Variants in HEATR4 observed in about 807,000 individuals in gnomAD.
The protein encoded by HEATR4 is HEAT repeat containing 4, also known as HEAT repeat-containing protein 4.
HEATR4 carries 95 observed loss-of-function variants against 108.8 expected under a neutral mutation model. The observed-to-expected ratio is 0.87, with a 90% CI of 0.74 to 1.04. The LOEUF (loss-of-function observed/expected upper bound fraction) is 1.04. Among genes scored for constraint, HEATR4 ranks in the 50% least tolerant of loss-of-function variants. The probability of loss-of-function intolerance (pLI) is 0.00; values close to 1 mark genes in which losing one functional copy is unlikely to be tolerated. For missense variants in HEATR4, 1,152 were observed against 1,253.8 expected, an observed-to-expected ratio of 0.92 and a Z score of 1.23; for synonymous variants, 443 against 459.4, an observed-to-expected ratio of 0.96 and a Z score of 0.46.
rs1486819486 is a variant in HEATR4, at chr14:73,540,528, A to G, written c.-151-10284T>C. On this transcript the variant is annotated intron_variant, in intron 1 of 17. Transcript: ENST00000553558. ...AGGAGAACACATTCAGTATCATTCC[A>G]TTTAGATACAGTTCAAAAAATAGGC... Among the ~76,000 whole-genome samples, 4 of 109,894 alleles carry G rather than the reference A, an allele frequency of 3.6e-5. 1 individual carries two copies. Among genetic ancestry groups the G allele is most frequent in the Non-Finnish European group, 1.9e-5 (1 of 52,492 alleles). The allele number at this position is 109,894 out of a possible 152,430, so 72.1% of individuals were successfully genotyped here.
intron 1 of HEATR4, among the ~76,000 whole-genome samples, chr14:73,535,489 T>C (rs1428221198): frequency 0.029 from 1,352 of 46,530 alleles, 324 homozygotes; most frequent in African/African-American, 0.11. Flanking sequence ...TTTTTTTTTT[T>C]TTTTTTTTTT....
At chr14:73,595,082 T>G in the HEATR4 span, 1 of 1,614,082 alleles carries the variant, frequency 6.2e-7, no homozygotes, top group Non-Finnish European at 8.5e-7. Flanking sequence ...TTTGGGCATT[T>G]CTCTAGGAGC....
rs1209953502 is a variant in HEATR4, at chr14:73,492,158, G to A, written c.2844+908C>T. ...ATCCAGCCCCAACTTCAGTCAGGACGACCTCGGTGAGCCGGTGCTGCAGAC... is the reference window on the plus strand; with the variant it reads ...ATCCAGCCCCAACTTCAGTCAGGACAACCTCGGTGAGCCGGTGCTGCAGAC... On this transcript the variant is annotated intron_variant, in intron 17 of 17. Transcript: ENST00000553558. The surrounding 1 kb of genome is among the most constrained non-coding windows in gnomAD (Gnocchi z 4.9). 1.2e-6 allele frequency: 2 copies of A among 1,613,976 alleles called. No individual in the cohort carries two copies. The highest frequency in any genetic ancestry group is 1.7e-6 in the Non-Finnish European group (2 of 1,179,894).
At chr14:73,589,095 A>G in the HEATR4 span, among the ~76,000 whole-genome samples, 2 of 151,956 alleles carry the variant, frequency 1.3e-5, no homozygotes, top group African/African-American at 4.8e-5. Flanking sequence ...TACCATTATC[A>G]CCCCAAATCT....
chr14:73,594,373 A>C, the HEATR4 span, among the ~76,000 whole-genome samples: 1 of 152,206 alleles, frequency 6.6e-6, no homozygotes, highest in Admixed American at 6.5e-5. Context: ...TATTGGATGC[A>C]TTGCCACATG....
chr14:73,589,218 GTTCCAACTA>G, the HEATR4 span, among the ~76,000 whole-genome samples: 2 of 152,112 alleles, frequency 1.3e-5, no homozygotes, highest in Non-Finnish European at 2.9e-5. Context: ...CCTAAAAATT[GTTCCAACTA>G]TTCATCCCTC....
Position 73,542,994 on chromosome 14 carries a change from C to T in HEATR4, c.-151-12750G>A. ...AACTTCCAGGGTGGGCACAACTCAC[C>T]ATATTCCACTGTTTGTGGAGCCATT... On this transcript the variant is annotated intron_variant, in intron 1 of 17. Coordinates refer to ENST00000553558, the MANE Select transcript of HEATR4 (RefSeq NM_001220484.1). 6.5e-6 allele frequency: 8 copies of T among 1,238,970 alleles called. 2 individuals are homozygous for T. Among genetic ancestry groups the T allele is most frequent in the Non-Finnish European group, 8.6e-6 (8 of 932,578 alleles). 76.7% of individuals were successfully genotyped at this position (1,238,970 alleles called of 1,614,324 possible). A position where few individuals can be genotyped will look rare whatever the true frequency, so the allele number is the denominator to read the frequency against.
At chr14:73,524,309 AAATATATATATAT>A (rs1165583484) in intron 2 of HEATR4, among the ~76,000 whole-genome samples, 1 of 99,760 alleles carries the variant, frequency 1.0e-5, no homozygotes, top group African/African-American at 4.1e-5. Flanking sequence ...AAAAAAAAAA[AAATATATATATAT>A]ATATATATAT....
chr14:73,514,624 GTA>G (rs1321799504), intron 5 of HEATR4, among the ~76,000 whole-genome samples: 1 of 152,128 alleles, frequency 6.6e-6, no homozygotes. Context: ...TATTTCTAAA[GTA>G]TTAAGTTTTC....
chr14:73,579,482 G>A, the HEATR4 span, among the ~76,000 whole-genome samples: 5 of 149,644 alleles, frequency 3.3e-5, no homozygotes, highest in South Asian at 8.4e-4. Flanking sequence ...GGCTGTGGCA[G>A]GAGAATCACT....
chr14:73,615,410 AAAAAC>A, the HEATR4 span, among the ~76,000 whole-genome samples: 1,851 of 84,968 alleles, frequency 0.022, 213 homozygotes, highest in East Asian at 0.097. Context: ...AAAAAAAACA[AAAAAC>A]AAAAAAAACC....
chr14:73,561,603 T>C (rs1402862881), upstream of HEATR4, among the ~76,000 whole-genome samples: 1 of 150,896 alleles, frequency 6.6e-6, no homozygotes. Context: ...AGGAAATCAC[T>C]TGAACCCAGG....
chr14:73,579,094 A>G, the HEATR4 span, among the ~76,000 whole-genome samples: 1 of 140,068 alleles, frequency 7.1e-6, no homozygotes, highest in African/African-American at 2.5e-5. Context: ...AAAAAAAGAA[A>G]AAAAAAAAAA....
In HEATR4 at chr14:73,514,243, C is replaced by T. The variant is rs200495990; in HGVS notation, c.1211-9G>A. The T allele has an allele frequency of 3.3e-5, 54 of 1,612,672 alleles. No homozygotes were observed. The Admixed American group carries it at 5.3e-4, about 16-fold the overall frequency. On this transcript the variant is annotated splice_polypyrimidine_tract_variant and intron_variant, in intron 5 of 17. Coordinates refer to ENST00000553558, the MANE Select transcript of HEATR4 (RefSeq NM_001220484.1). ...TTGCACAGGTCTGTAAGCTGTGCAA[C>T]GTGGCAGTGTGAGGTCTTTTCACCC...
chr14:73,506,685 CA>C (rs199744072), intron 9 of HEATR4, 114 bp from the exon 10 acceptor site: 8,321 of 707,128 alleles, frequency 0.012, 153 homozygotes, highest in Admixed American at 0.047. Context: ...AGTGGGCTTA[CA>C]AGAGATGGGG....
At chr14:73,506,667 A>G in intron 9 of HEATR4, 96 bp from the exon 10 acceptor site, 2 of 887,434 alleles carry the variant, frequency 2.3e-6, no homozygotes, top group East Asian at 5.0e-5. Flanking sequence ...TGCATAATTA[A>G]TGTCACCAGT....
the HEATR4 span, chr14:73,595,555 G>C: frequency 1.3e-5 from 21 of 1,603,844 alleles, no homozygotes; most frequent in East Asian, 3.1e-4. Context: ...GGGAGCCCAG[G>C]GCTCATTCTA....
chr14:73,598,809 C>G, the HEATR4 span, among the ~76,000 whole-genome samples: 4 of 152,028 alleles, frequency 2.6e-5, no homozygotes, highest in Admixed American at 6.6e-5. Context: ...TCGAGACCAG[C>G]CTAACCAACA....
the HEATR4 span, chr14:73,595,373 T>C: frequency 6.2e-7 from 1 of 1,614,238 alleles, no homozygotes. Flanking sequence ...TGACCATAAC[T>C]GGAGAAGTGA....
Sources: gnomAD v4.1 joint callset for allele counts (sites outside exome capture counted in the v4.1 genomes callset) on GRCh38, gnomAD v4.1.1 for gene constraint, Gnocchi (gnomAD v3.1) non-coding constraint, MANE v1.5 for transcripts, NCBI Gene and HGNC (gene_info 2026-07-23, HGNC 2026-07-21) for gene names.